MINAR1: variants seen among roughly 807,000 people sequenced by gnomAD.
MINAR1 encodes major intrinsically disordered Notch2-binding receptor 1.
MINAR1 carries 40 observed loss-of-function variants against 65.1 expected under a neutral mutation model. The ratio of observed to expected loss-of-function variants is 0.61; its 90% CI spans 0.48 to 0.80. The LOEUF is 0.80. MINAR1 is among the 30% of genes least tolerant of loss of function. The pLI, the probability that MINAR1 is intolerant of heterozygous loss-of-function variation, is 0.00. For missense variants in MINAR1, 1,128 were observed against 1,148.0 expected (o/e 0.98, Z 0.25); for synonymous variants, 482 against 449.1 (o/e 1.07, Z -0.93).
chr15:79,458,573 T>C, intron 2 of MINAR1, 128 bp downstream of exon 2: 1 of 1,167,976 alleles, frequency 8.6e-7, no homozygotes, highest in Non-Finnish European at 1.2e-6. Flanking sequence ...TCCTTCCAGG[T>C]TTGGCAGGGT....
intron 3 of MINAR1, among the ~76,000 whole-genome samples, chr15:79,464,970 T>C (rs1309737586): frequency 1.3e-5 from 2 of 152,226 alleles, no homozygotes; most frequent in African/African-American, 4.8e-5. Flanking sequence ...AAGTGAGCCA[T>C]AGGCTGAGAA....
At chr15:79,466,777 G>C (rs1385684392) in intron 3 of MINAR1, among the ~76,000 whole-genome samples, 1 of 152,174 alleles carries the variant, frequency 6.6e-6, no homozygotes, top group Non-Finnish European at 1.5e-5. Context: ...CTTTACAATA[G>C]CTGGTGAAGC....
chr15:79,441,441 CG>C (rs1203309967), intron 1 of MINAR1, among the ~76,000 whole-genome samples: 1 of 152,102 alleles, frequency 6.6e-6, no homozygotes. Flanking sequence ...TTCTATCATA[CG>C]GATGCACTGC....
chr15:79,467,526 G>A (rs1941545480), intron 3 of MINAR1, among the ~76,000 whole-genome samples: 1 of 152,182 alleles, frequency 6.6e-6, no homozygotes, highest in Admixed American at 6.5e-5. Flanking sequence ...AAATGTCAGT[G>A]GGGGCTCTCT....
At chr15:79,452,084 ATG>A (rs1335416529) in intron 1 of MINAR1, among the ~76,000 whole-genome samples, 1 of 151,730 alleles carries the variant, frequency 6.6e-6, no homozygotes, top group Non-Finnish European at 1.5e-5. Context: ...GTGTTTGTGG[ATG>A]TGTGGGAGCT....
Position 79,457,455 on chromosome 15 carries a change from A to C in MINAR1, c.1308A>C (p.Lys436Asn), listed in dbSNP as rs1443084724. 1 of 1,614,208 alleles carries C rather than the reference A, an allele frequency of 6.2e-7. No homozygotes were observed. The highest frequency in any genetic ancestry group is 1.1e-5 in the South Asian group (1 of 91,086). ...IAYAAKQNGL[K>N]SKEISSPVDL... Reference sequence around the variant, plus strand: ...ATGCGGCAAAACAAAATGGGCTCAAATCTAAAGAGATCTCATCCCCTGTTG... The same window carrying C: ...ATGCGGCAAAACAAAATGGGCTCAACTCTAAAGAGATCTCATCCCCTGTTG... The change falls in exon 2 of 4, where the codon AAA (lysine) becomes AAC (asparagine). Residue 436 changes from lysine to asparagine, a missense_variant. By Grantham distance (94) the Lys-to-Asn change is moderately conservative. Coordinates refer to ENST00000305428, the MANE Select transcript of MINAR1 (RefSeq NM_015206.3).
At chr15:79,440,735 C>T (rs1166546895) in intron 1 of MINAR1, among the ~76,000 whole-genome samples, 1 of 152,188 alleles carries the variant, frequency 6.6e-6, no homozygotes, top group Non-Finnish European at 1.5e-5. Flanking sequence ...TCAAAGGTAT[C>T]TTTCCCCTGC....
At chr15:79,468,162 T>G (rs1895942053) in intron 3 of MINAR1, 25 bp from the exon 4 acceptor site, 1 of 1,593,520 alleles carries the variant, frequency 6.3e-7, no homozygotes, top group South Asian at 1.1e-5. Context: ...TCACTGTATT[T>G]CTAACATCTT....
At chr15:79,466,990 T>A (rs1351297605) in intron 3 of MINAR1, among the ~76,000 whole-genome samples, 1 of 152,196 alleles carries the variant, frequency 6.6e-6, no homozygotes, top group Non-Finnish European at 1.5e-5. Flanking sequence ...CTTGTCTTCA[T>A]TGGCTGAACC....
chr15:79,414,026 T>C, the MINAR1 span: 1 of 152,226 alleles, frequency 6.6e-6, no homozygotes, highest in Non-Finnish European at 1.5e-5. Flanking sequence ...TTTAATTAGA[T>C]CTTGCCTTTG....
In MINAR1 at chr15:79,458,113, G is replaced by C; in HGVS notation, c.1966G>C (p.Asp656His). The C allele has an allele frequency of 6.2e-7, 1 of 1,614,208 alleles. No individual in the cohort carries two copies. Among genetic ancestry groups the C allele is most frequent in the Non-Finnish European group, 8.5e-7 (1 of 1,180,050 alleles). ...CTCCTTGACAAGCGAGGGTCCGTCT[G>C]ATGACAGTGCCTCTCCCCGGATGTT... ...LNSLTSEGPSDDSASPRMFHA... is the reference protein window; with the variant it reads ...LNSLTSEGPSHDSASPRMFHA... The change falls in exon 2 of 4, where the codon GAT (aspartate) becomes CAT (histidine). Residue 656 changes from aspartate to histidine, a missense_variant. Asp to His is a moderately conservative substitution (Grantham distance 81). Transcript: ENST00000305428.
At chr15:79,460,891 A>G (rs1011071815) in intron 2 of MINAR1, among the ~76,000 whole-genome samples, 2 of 152,190 alleles carry the variant, frequency 1.3e-5, no homozygotes, top group African/African-American at 2.4e-5. Flanking sequence ...CCCATTCAGT[A>G]AACACTAATT....
the MINAR1 span, chr15:79,411,546 GAC>G: frequency 1.4e-6 from 1 of 699,998 alleles, no homozygotes; most frequent in South Asian, 1.5e-5. Context: ...ATGGAGGGAA[GAC>G]ACAGAAGCTA....
Position 79,455,315 on chromosome 15 carries a change from T to C in MINAR1, c.-50-783T>C, listed in dbSNP as rs1261492358. Among the ~76,000 whole-genome samples, 11 of 152,354 alleles carry C rather than the reference T, an allele frequency of 7.2e-5. No homozygotes were observed. In the South Asian group the frequency reaches 1.2e-3, roughly 17 times the overall value. ...ATAATTTTATACCATTATGATCTTA[T>C]ACAGATTTATTTTCATATTTTTTTC... is the stretch of plus-strand genomic sequence containing the variant. On this transcript the variant is annotated intron_variant, in intron 1 of 3. Coordinates refer to ENST00000305428, the MANE Select transcript of MINAR1 (RefSeq NM_015206.3).
intron 2 of MINAR1, among the ~76,000 whole-genome samples, chr15:79,462,607 G>A (rs1356909365): frequency 2.0e-5 from 3 of 152,122 alleles, no homozygotes; most frequent in African/African-American, 7.2e-5. Context: ...TTGAGGAAAG[G>A]ACCCGTATCT....
chr15:79,451,167 C>T (rs138967932), intron 1 of MINAR1, among the ~76,000 whole-genome samples: 3 of 152,112 alleles, frequency 2.0e-5, no homozygotes, highest in Non-Finnish European at 4.4e-5. Flanking sequence ...ATCTGGAGGC[C>T]CATGGTTCAG....
chr15:79,429,369 C>CA (rs1349108879), upstream of MINAR1, among the ~76,000 whole-genome samples: 5 of 152,218 alleles, frequency 3.3e-5, no homozygotes, highest in African/African-American at 4.8e-5. Context: ...TGTCCAAGTT[C>CA]ACATAGGTGG....
rs142754794 is a variant in MINAR1, at chr15:79,456,531, C to A, written c.384C>A (p.Ile128=). Residue 128 remains isoleucine, a synonymous_variant, in exon 2 of 4, where the codon ATC becomes ATA. Transcript: ENST00000305428. ...SFESCRSDTE[I]CNAAECEPLN... ...AATCATGTAGGTCGGACACAGAGAT[C>A]TGCAATGCAGCTGAGTGTGAGCCCC... is the stretch of plus-strand genomic sequence containing the variant. 5,712 of 1,614,100 alleles carry A rather than the reference C, an allele frequency of 3.5e-3. 15 individuals carry two copies. Among genetic ancestry groups the A allele is most frequent in the Non-Finnish European group, 4.0e-3 (4,668 of 1,180,054 alleles).
chr15:79,440,662 C>T (rs994530810), intron 1 of MINAR1, among the ~76,000 whole-genome samples: 1 of 152,180 alleles, frequency 6.6e-6, no homozygotes, highest in African/African-American at 2.4e-5. Context: ...TCCCCTTCCC[C>T]CGCTCCTCCC....
Sources: allele counts gnomAD v4.1 joint callset (sites outside exome capture counted in the v4.1 genomes callset), GRCh38; gene constraint gnomAD v4.1.1; transcripts MANE v1.5; gene names NCBI Gene and HGNC (gene_info 2026-07-23, HGNC 2026-07-21).